The following IPO7 variants were observed in gnomAD, a reference collection of about 807,000 sequenced individuals.
IPO7 encodes the protein importin 7, also known as importin-7.
IPO7 carries 13 observed loss-of-function variants against 136.4 expected under a neutral mutation model. The ratio of observed to expected loss-of-function variants is 0.10; its 90% confidence interval spans 0.06 to 0.15. The LOEUF (loss-of-function observed/expected upper bound fraction) is 0.15. IPO7 is among the 10% of genes least tolerant of loss of function. The pLI is 1.00. For missense variants in IPO7, 857 were observed against 1,240.6 expected (o/e 0.69, Z 4.65); for synonymous variants, 403 against 404.4 (o/e 1.00, Z 0.04).
intron 14 of IPO7, among the ~76,000 whole-genome samples, 174 bp downstream of exon 14, chr11:9,429,370 G>C (rs1302890518): frequency 6.6e-6 from 1 of 151,954 alleles, no homozygotes; most frequent in Non-Finnish European, 1.5e-5. Context: ...ACTGGACATA[G>C]TGGCATGTAC....
intron 1 of IPO7, among the ~76,000 whole-genome samples, chr11:9,394,404 G>A (rs1471292099): frequency 6.6e-6 from 1 of 151,650 alleles, no homozygotes; most frequent in East Asian, 1.9e-4. Flanking sequence ...GGGAAGCTTG[G>A]CTGTATAGTA....
chr11:9,444,583 A>C (rs571604449), intron 24 of IPO7, among the ~76,000 whole-genome samples: 34 of 151,690 alleles, frequency 2.2e-4, no homozygotes, highest in Middle Eastern at 6.8e-3. Flanking sequence ...GGCTGGTCTC[A>C]AAAACTCCTG....
chr11:9,421,366 A>G (rs73406215), intron 8 of IPO7, among the ~76,000 whole-genome samples: 3,070 of 151,860 alleles, frequency 0.02, 101 homozygotes, highest in African/African-American at 0.069. Context: ...TTGAGAATAT[A>G]ATCCTATAAT....
chr11:9,421,066 C>G (rs1178176466), intron 8 of IPO7, among the ~76,000 whole-genome samples: 1 of 152,030 alleles, frequency 6.6e-6, no homozygotes, highest in Non-Finnish European at 1.5e-5. Flanking sequence ...TCAAGCGATT[C>G]TCCTGCCTCA....
Position 9,428,253 on chromosome 11 carries a change from A to G in IPO7, c.1336-287A>G, listed in dbSNP as rs539535686. ...CAAGTTTTTTCCTTATAAAAGTTTC[A>G]TAGTAACAGATAAAATTAACCAAAC... is the stretch of plus-strand genomic sequence containing the variant. On this transcript the variant is annotated intron_variant, in intron 12 of 24. Coordinates refer to ENST00000379719, the MANE Select transcript of IPO7 (RefSeq NM_006391.3). Among the ~76,000 whole-genome samples, 54 of 152,378 alleles carry G rather than the reference A, an allele frequency of 3.5e-4. 2 individuals are homozygous for G. Among genetic ancestry groups the G allele is most frequent in the African/African-American group, 1.3e-3 (53 of 41,594 alleles).
intron 4 of IPO7, among the ~76,000 whole-genome samples, chr11:9,411,264 T>A (rs953636718): frequency 6.6e-6 from 1 of 152,208 alleles, no homozygotes; most frequent in Admixed American, 6.5e-5. Context: ...GCCAGTGTTT[T>A]CGTTGTGAAG....
chr11:9,435,503 A>G (rs926260900), intron 19 of IPO7, among the ~76,000 whole-genome samples: 1 of 152,200 alleles, frequency 6.6e-6, no homozygotes, highest in African/African-American at 2.4e-5. Context: ...ATTTCTAGCA[A>G]TGTCTGTTGT....
intron 2 of IPO7, among the ~76,000 whole-genome samples, chr11:9,404,394 G>A (rs1018687017): frequency 1.3e-5 from 2 of 151,630 alleles, no homozygotes; most frequent in African/African-American, 4.8e-5. Flanking sequence ...GAACCTGGGA[G>A]GCGGAGCTTG....
Position 9,438,045 on chromosome 11 carries a change from GTTTT to G in IPO7, c.2490-6_2490-3del, listed in dbSNP as rs202038310. ...TCTGCTTATTTAAGAAAAGAAAACA[GTTTT>G]TTTTTTTTTTTTTTTTTTTTTTTTT... On this transcript the variant is annotated intron_variant, in intron 21 of 24. Coordinates refer to ENST00000379719, the MANE Select transcript of IPO7 (RefSeq NM_006391.3). 5,174 of 1,085,972 alleles carry G rather than the reference GTTTT, an allele frequency of 4.8e-3. 3 individuals are homozygous for G. Among genetic ancestry groups the G allele is most frequent in the South Asian group, 7.5e-3 (460 of 61,260 alleles). The allele number at this position is 1,085,972 out of a possible 1,614,324, so 67.3% of individuals were successfully genotyped here. A position where few individuals can be genotyped will look rare whatever the true frequency, so the allele number is the denominator to read the frequency against.
At chr11:9,438,427 C>T (rs1046677547) in intron 22 of IPO7, 142 bp downstream of exon 22, 73 of 612,642 alleles carry the variant, frequency 1.2e-4, no homozygotes, top group Non-Finnish European at 1.9e-4. Context: ...GAGTTCGAGA[C>T]CAGCCTGGCC....
intron 15 of IPO7, chr11:9,430,371 G>T (rs553125079): frequency 5.8e-5 from 9 of 155,120 alleles, no homozygotes; most frequent in Non-Finnish European, 1.3e-4. Flanking sequence ...AGCTAGGCAG[G>T]GTGCGGTTGG....
At chr11:9,399,233 G>C (rs962023259) in intron 1 of IPO7, among the ~76,000 whole-genome samples, 2 of 150,176 alleles carry the variant, frequency 1.3e-5, no homozygotes, top group African/African-American at 2.5e-5. Context: ...GCACAATCTC[G>C]GCTCACCACA....
intron 1 of IPO7, 135 bp downstream of exon 1, chr11:9,384,982 G>C: frequency 1.5e-6 from 1 of 665,224 alleles, no homozygotes; most frequent in Non-Finnish European, 2.5e-6. Context: ...GACATCTGAC[G>C]GCGACTTCCA....
rs761294342 is a variant in IPO7, at chr11:9,447,473, A to T, written c.*2279A>T. On this transcript the variant is annotated 3_prime_UTR_variant, in exon 25 of 25. Transcript: ENST00000379719. ...AGTTTTCATGATTTCCTTTAACATT[A>T]TAATTTGGTATAGATCAAGAATCTT... 5.9e-5 allele frequency: 9 copies of T among 152,192 alleles called. No individual in the cohort carries two copies. Among genetic ancestry groups the T allele is most frequent in the Admixed American group, 4.6e-4 (7 of 15,268 alleles). 9.4% of individuals were successfully genotyped at this position (152,192 alleles called of 1,614,324 possible). A position where few individuals can be genotyped will look rare whatever the true frequency, so the allele number is the denominator to read the frequency against.
At chr11:9,410,640 A>G (rs986086273) in intron 4 of IPO7, among the ~76,000 whole-genome samples, 1 of 152,220 alleles carries the variant, frequency 6.6e-6, no homozygotes, top group Non-Finnish European at 1.5e-5. Context: ...AGTATTAGAA[A>G]AAAAGATTTT....
chr11:9,426,903 C>T (rs1377382198), intron 12 of IPO7, among the ~76,000 whole-genome samples: 1 of 105,648 alleles, frequency 9.5e-6, no homozygotes, highest in African/African-American at 2.9e-5. Flanking sequence ...AGATTTCCGC[C>T]TCCCCGCCCC....
chr11:9,417,800 C>T (rs1855062780), intron 6 of IPO7, among the ~76,000 whole-genome samples: 1 of 151,176 alleles, frequency 6.6e-6, no homozygotes, highest in African/African-American at 2.4e-5. Context: ...GCAACCTCCG[C>T]CTCCCAGGTT....
chr11:9,391,862 G>A (rs1854637746), intron 1 of IPO7, among the ~76,000 whole-genome samples: 2 of 152,148 alleles, frequency 1.3e-5, no homozygotes, highest in South Asian at 2.1e-4. Context: ...ACTCTCCTGG[G>A]ATTAAGCTAT....
At position 9,428,596 on chromosome 11, in the gene IPO7, C is replaced by A; in HGVS notation, c.1392C>A (p.Leu464=). The change falls in exon 13 of 25, where the codon CTC becomes CTA. Residue 464 remains leucine, a synonymous_variant. Coordinates refer to ENST00000379719, the MANE Select transcript of IPO7 (RefSeq NM_006391.3). The part of the protein sequence containing the change: ...EYMLQNHVFP[L]FSSELGYMRA... ...TGTTGCAGAATCATGTATTCCCTCT[C>A]TTCAGCAGTGAACTAGGCTACATGA... The A allele has an allele frequency of 1.3e-6, 2 of 1,581,242 alleles. No homozygotes were observed. Among genetic ancestry groups the A allele is most frequent in the Non-Finnish European group, 1.7e-6 (2 of 1,153,182 alleles).
Sources: gnomAD v4.1 joint callset for allele counts (sites outside exome capture counted in the v4.1 genomes callset) on GRCh38, gnomAD v4.1.1 for gene constraint, MANE v1.5 for transcripts, NCBI Gene and HGNC (gene_info 2026-07-23, HGNC 2026-07-21) for gene names.